LUZP1: variants seen among roughly 807,000 people sequenced by gnomAD.
The protein encoded by LUZP1 is filamin mechanobinding actin cross-linking protein.
Under a neutral mutation model 71.3 loss-of-function variants are expected in LUZP1, and 25 were observed. That is an observed-to-expected ratio of 0.35 (90% confidence interval 0.26 to 0.49). LUZP1 has a LOEUF of 0.49. LUZP1 is among the 20% of genes least tolerant of loss of function. LUZP1 has a pLI of 0.99. For synonymous variants in LUZP1, 481 were observed against 506.4 expected, an observed-to-expected ratio of 0.95 and a Z score of 0.67; for missense variants, 1,142 against 1,300.8, an observed-to-expected ratio of 0.88 and a Z score of 1.88.
At chr1:23,114,581 A>C (rs1644062790) in intron 2 of LUZP1, among the ~76,000 whole-genome samples, 1 of 152,230 alleles carries the variant, frequency 6.6e-6, no homozygotes, top group Non-Finnish European at 1.5e-5. Context: ...CACTCCAGAT[A>C]AAAGTGGAAG....
Position 23,173,783 on chromosome 1 carries a change from C to T in LUZP1, c.-485+3708G>A, listed in dbSNP as rs1157263230. ...TGGGCATCTGAGCCACCTGTGCATA[C>T]TGCAATAGAAAGTTCCACAGATCCC... On this transcript the variant is annotated intron_variant, in intron 1 of 4. Transcript: ENST00000302291. Among the ~76,000 whole-genome samples the T allele has an allele frequency of 5.3e-5, 8 of 151,960 alleles. No individual in the cohort carries two copies. The East Asian group carries it at 1.6e-3, about 30-fold the overall frequency.
At chr1:23,161,887 C>T (rs973388284) in intron 2 of LUZP1, among the ~76,000 whole-genome samples, 3 of 152,024 alleles carry the variant, frequency 2.0e-5, no homozygotes, top group African/African-American at 4.8e-5. Context: ...ATTAGCCAGG[C>T]GTGGTGGTAG....
chr1:23,164,357 T>C (rs532951590), intron 2 of LUZP1, among the ~76,000 whole-genome samples: 10 of 152,076 alleles, frequency 6.6e-5, no homozygotes, highest in Middle Eastern at 3.4e-3. Context: ...TAGCCGGGCA[T>C]GGTGGCGGGT....
At chr1:23,091,615 G>A (rs778414535) in exon 4 of LUZP1, 56 of 1,613,992 alleles carry the variant, frequency 3.5e-5, no homozygotes, top group Non-Finnish European at 4.7e-5. Context: ...GGATCCGATG[G>A]CTTGATTATA....
chr1:23,104,318 G>A (rs1643962288), intron 3 of LUZP1, among the ~76,000 whole-genome samples: 1 of 151,840 alleles, frequency 6.6e-6, no homozygotes, highest in South Asian at 2.1e-4. Flanking sequence ...CCGAGTAGCT[G>A]GGATTACAGG....
intron 2 of LUZP1, among the ~76,000 whole-genome samples, chr1:23,166,792 G>A (rs974586299): frequency 2.0e-5 from 3 of 151,852 alleles, no homozygotes; most frequent in Non-Finnish European, 2.9e-5. Flanking sequence ...TCCTTTTCTT[G>A]GTCTTAAATT....
At chr1:23,139,177 C>T (rs1199604449) in intron 2 of LUZP1, among the ~76,000 whole-genome samples, 1 of 149,868 alleles carries the variant, frequency 6.7e-6, no homozygotes, top group East Asian at 2.0e-4. Flanking sequence ...CCATTCATGC[C>T]CTCTCTGGTT....
chr1:23,106,827 C>T (rs1019026183), intron 3 of LUZP1, among the ~76,000 whole-genome samples: 19 of 152,172 alleles, frequency 1.2e-4, no homozygotes, highest in African/African-American at 4.6e-4. Context: ...CCTTCCCCAC[C>T]CTCCACAGTC....
At chr1:23,157,233 A>G (rs1461820773) in intron 2 of LUZP1, among the ~76,000 whole-genome samples, 1 of 152,192 alleles carries the variant, frequency 6.6e-6, no homozygotes, top group Non-Finnish European at 1.5e-5. Flanking sequence ...TAGGGAGGCT[A>G]AAGTGAGAGG....
intron 2 of LUZP1, among the ~76,000 whole-genome samples, chr1:23,139,614 A>G (rs1644287225): frequency 6.6e-6 from 1 of 152,184 alleles, no homozygotes; most frequent in South Asian, 2.1e-4. Flanking sequence ...TCTTTAGCTT[A>G]ATTTATTATA....
At chr1:23,104,801 A>G (rs1202700003) in intron 3 of LUZP1, among the ~76,000 whole-genome samples, 1 of 152,200 alleles carries the variant, frequency 6.6e-6, no homozygotes, top group Non-Finnish European at 1.5e-5. Flanking sequence ...AGATCTAGGC[A>G]CTACATTCTA....
chr1:23,123,651 AGGAAGT>A (rs1490185369), intron 2 of LUZP1, among the ~76,000 whole-genome samples: 1 of 152,200 alleles, frequency 6.6e-6, no homozygotes, highest in Non-Finnish European at 1.5e-5. Context: ...TCCTACTACT[AGGAAGT>A]GGAAATTCCA....
intron 2 of LUZP1, among the ~76,000 whole-genome samples, chr1:23,150,142 T>C (rs1278266666): frequency 1.3e-5 from 2 of 151,946 alleles, no homozygotes; most frequent in Non-Finnish European, 2.9e-5. Context: ...AGATAACTGA[T>C]GAGAGTGAGG....
intron 2 of LUZP1, among the ~76,000 whole-genome samples, chr1:23,117,863 G>T (rs954026911): frequency 2.0e-5 from 3 of 152,094 alleles, no homozygotes; most frequent in South Asian, 2.1e-4. Context: ...AGGCCGAGGC[G>T]GGCAGATCAC....
chr1:23,144,443 G>T (rs1644327710), intron 2 of LUZP1, among the ~76,000 whole-genome samples: 1 of 152,010 alleles, frequency 6.6e-6, no homozygotes, highest in Non-Finnish European at 1.5e-5. Context: ...CAAAAGAGTG[G>T]GATTCTATTA....
intron 2 of LUZP1, among the ~76,000 whole-genome samples, chr1:23,138,808 T>C (rs1397902661): frequency 4.0e-5 from 6 of 149,808 alleles, no homozygotes; most frequent in South Asian, 2.1e-4. Context: ...GACACCACCC[T>C]GGGCAACGGT....
At chr1:23,098,426 C>G (rs1643905550) in intron 3 of LUZP1, among the ~76,000 whole-genome samples, 2 of 151,956 alleles carry the variant, frequency 1.3e-5, no homozygotes, top group Non-Finnish European at 2.9e-5. Context: ...TTGATAATGT[C>G]AAAAACGAAG....
intron 2 of LUZP1, among the ~76,000 whole-genome samples, chr1:23,164,267 G>A (rs1391971281): frequency 4.6e-5 from 7 of 152,138 alleles, no homozygotes; most frequent in South Asian, 4.1e-4. Flanking sequence ...AGGCCGAAGC[G>A]GGCGGATCAC....
At chr1:23,092,374 G>T (rs1200147821) in exon 4 of LUZP1, 1 of 1,614,186 alleles carries the variant, frequency 6.2e-7, no homozygotes, top group Non-Finnish European at 8.5e-7. Flanking sequence ...ACTGCTGCAG[G>T]TTGATTAACC....
Sources: gnomAD v4.1 joint callset for allele counts (sites outside exome capture counted in the v4.1 genomes callset) on GRCh38, gnomAD v4.1.1 for gene constraint, MANE v1.5 for transcripts, NCBI Gene and HGNC (gene_info 2026-07-23, HGNC 2026-07-21) for gene names.